The following BDP1 variants were observed in gnomAD, a reference collection of about 807,000 sequenced individuals.
BDP1 encodes the protein transcription factor TFIIIB component B'' homolog.
BDP1 carries 169 observed loss-of-function variants against 266.6 expected under a neutral mutation model. The observed-to-expected ratio is 0.63, with a 90% CI of 0.56 to 0.72. The LOEUF (loss-of-function observed/expected upper bound fraction) is 0.72, where lower values mean the gene tolerates loss of function less well. BDP1 is among the 30% of genes least tolerant of loss of function. The pLI is 0.00. For synonymous variants in BDP1, 1,090 were observed against 1,022.4 expected (o/e 1.07, Z -1.26); for missense variants, 3,015 against 3,053.8 (o/e 0.99, Z 0.30).
At chr5:71,531,426 G>A (rs1380849093) in intron 25 of BDP1, among the ~76,000 whole-genome samples, 2 of 152,132 alleles carry the variant, frequency 1.3e-5, no homozygotes, top group African/African-American at 4.8e-5. Context: ...CTGTTGCCCT[G>A]GGTATCAAGA....
At chr5:71,473,786 G>A (rs974913195) in intron 7 of BDP1, among the ~76,000 whole-genome samples, 5 of 151,728 alleles carry the variant, frequency 3.3e-5, no homozygotes, top group Non-Finnish European at 5.9e-5. Flanking sequence ...CCATTGACTC[G>A]TCATTTAACA....
downstream of BDP1, among the ~76,000 whole-genome samples, chr5:71,571,028 A>G (rs1251901828): frequency 6.6e-6 from 1 of 152,200 alleles, no homozygotes; most frequent in Non-Finnish European, 1.5e-5. Flanking sequence ...CAAATAAAAA[A>G]TAAGTATGAC....
intron 1 of BDP1, among the ~76,000 whole-genome samples, chr5:71,456,960 C>G (rs925279913): frequency 2.6e-5 from 4 of 152,192 alleles, no homozygotes; most frequent in African/African-American, 9.7e-5. Flanking sequence ...ATTTTTGGAA[C>G]ATCTTCCTCT....
At position 71,502,686 on chromosome 5, in the gene BDP1, G is replaced by C. The variant is rs143080338; in HGVS notation, c.2136G>C (p.Lys712Asn). 3 of 1,614,052 alleles carry C rather than the reference G, an allele frequency of 1.9e-6. No individual in the cohort carries two copies. The African/African-American group carries it at 4.0e-5, about 22-fold the overall frequency. ...VQVRGRLQKP[K>N]PNAGKAAERK... ...TGAGGGGCCGATTGCAAAAGCCAAA[G>C]CCAAATGCAGGTAAAGCTGCTGAAA... Residue 712 changes from lysine (K) to asparagine (N), a missense_variant, in exon 15 of 39, where the codon AAG becomes AAC. Coordinates refer to ENST00000358731, the MANE Select transcript of BDP1 (RefSeq NM_018429.3).
At chr5:71,493,906 G>A (rs1160179698) in intron 11 of BDP1, among the ~76,000 whole-genome samples, 1 of 152,152 alleles carries the variant, frequency 6.6e-6, no homozygotes, top group Non-Finnish European at 1.5e-5. Flanking sequence ...TTTGATCCTT[G>A]TGTTACCATA....
the BDP1 span, among the ~76,000 whole-genome samples, chr5:71,578,112 A>G: frequency 6.6e-6 from 1 of 152,164 alleles, no homozygotes; most frequent in African/African-American, 2.4e-5. Flanking sequence ...TGGGACATCT[A>G]GAGCCTATTG....
chr5:71,525,754 C>T (rs879406591), intron 25 of BDP1, among the ~76,000 whole-genome samples: 6 of 151,842 alleles, frequency 4.0e-5, no homozygotes, highest in Admixed American at 6.5e-5. Context: ...ACCTCCCTCC[C>T]GGACGGGGTG....
At chr5:71,564,678 C>T (rs565749431) in intron 38 of BDP1, 76 bp from the exon 39 acceptor site, 1 of 1,269,058 alleles carries the variant, frequency 7.9e-7, no homozygotes, top group Non-Finnish European at 1.1e-6. Flanking sequence ...GTTTAGACTG[C>T]TATATATACA....
intron 14 of BDP1, 119 bp from the exon 15 acceptor site, chr5:71,502,480 T>C: frequency 1.0e-6 from 1 of 966,366 alleles, no homozygotes; most frequent in Non-Finnish European, 1.5e-6. Flanking sequence ...GGGCGGATTA[T>C]GTCTTTTCAG....
In BDP1 at chr5:71,458,897, A is replaced by G. The variant is rs913016800; in HGVS notation, c.489+42A>G. The G allele has an allele frequency of 2.2e-5, 35 of 1,558,566 alleles. No homozygotes were observed. The Admixed American group carries it at 3.3e-4, about 15-fold the overall frequency. ...AGGATTTTGATGTTGCCTTCTATTT[A>G]TGTTAGTAAGGAATCATTGGGAAGA... On this transcript the variant is annotated intron_variant, in intron 2 of 38. Coordinates refer to ENST00000358731, the MANE Select transcript of BDP1 (RefSeq NM_018429.3).
chr5:71,557,321 A>C (rs1398507017), intron 36 of BDP1, among the ~76,000 whole-genome samples: 3 of 133,354 alleles, frequency 2.2e-5, no homozygotes, highest in Middle Eastern at 3.9e-3. Context: ...CAATCCTCCC[A>C]CCTCAGCCTC....
chr5:71,464,023 A>G (rs1174741217), intron 3 of BDP1, 35 bp from the exon 4 acceptor site: 1 of 1,216,628 alleles, frequency 8.2e-7, no homozygotes. Flanking sequence ...ATAAATTAAT[A>G]ATTTATTAAA....
chr5:71,504,589 T>C (rs1764461690), intron 15 of BDP1, 32 bp from the exon 16 acceptor site: 1 of 1,588,902 alleles, frequency 6.3e-7, no homozygotes, highest in Admixed American at 1.8e-5. Context: ...TTGTGAAACC[T>C]AAAACATTAG....
intron 28 of BDP1, among the ~76,000 whole-genome samples, chr5:71,540,410 C>G (rs897012870): frequency 6.6e-6 from 1 of 152,156 alleles, no homozygotes; most frequent in Non-Finnish European, 1.5e-5. Context: ...TCACTGCAAC[C>G]TCTGCCTCCC....
chr5:71,562,781 T>C lies in BDP1; in HGVS notation c.7743+261T>C, dbSNP rs60121462. On this transcript the variant is annotated intron_variant, in intron 38 of 38. Transcript: ENST00000358731. ...AGCCATTCCTTTAATCTAGAGACCC[T>C]TCTGACTTGTGGAAGCAAAAGGAAG... 165 of 1,366,276 alleles carry C rather than the reference T, an allele frequency of 1.2e-4. No homozygotes were observed. In the East Asian group the frequency reaches 6.2e-3, roughly 52 times the overall value. The allele number at this position is 1,366,276 out of a possible 1,614,324, so 84.6% of individuals were successfully genotyped here.
At chr5:71,470,621 CT>C in intron 7 of BDP1, 132 bp downstream of exon 7, 1 of 639,290 alleles carries the variant, frequency 1.6e-6, no homozygotes, top group Non-Finnish European at 2.6e-6. Flanking sequence ...CAGAGTTTCA[CT>C]TTGTTGCCCA....
chr5:71,501,654 G>A lies in BDP1; in HGVS notation c.2048+1G>A. 8.8e-7 allele frequency: 1 copy of A among 1,137,100 alleles called. No individual in the cohort carries two copies. Among genetic ancestry groups the A allele is most frequent in the Non-Finnish European group, 1.3e-6 (1 of 774,328 alleles). The allele number at this position is 1,137,100 out of a possible 1,614,324, so 70.4% of individuals were successfully genotyped here. The stretch of plus-strand genomic sequence containing the variant: ...ATCCAGAAGCTGAAACTGTATCTGT[G>A]TGAGTATTCAGGAAGTAGTAAAAAA... On this transcript the variant is annotated splice_donor_variant, in intron 14 of 38. Coordinates refer to ENST00000358731, the MANE Select transcript of BDP1 (RefSeq NM_018429.3). LOFTEE classifies it high-confidence loss of function.
At chr5:71,480,256 G>A (rs559249427) in intron 7 of BDP1, among the ~76,000 whole-genome samples, 259 of 149,160 alleles carry the variant, frequency 1.7e-3, no homozygotes, top group Non-Finnish European at 2.3e-3. Context: ...GACTACAGGC[G>A]CGCACCACCA....
intron 5 of BDP1, among the ~76,000 whole-genome samples, chr5:71,466,542 C>T (rs1429908325): frequency 6.6e-6 from 1 of 152,140 alleles, no homozygotes; most frequent in Non-Finnish European, 1.5e-5. Flanking sequence ...AAGATTGACA[C>T]AGTCTTGAAG....
Sources: allele counts gnomAD v4.1 joint callset (sites outside exome capture counted in the v4.1 genomes callset), GRCh38; gene constraint gnomAD v4.1.1; transcripts MANE v1.5; gene names NCBI Gene and HGNC (gene_info 2026-07-23, HGNC 2026-07-21).